DPP6: variants seen among roughly 807,000 people sequenced by gnomAD.
The protein encoded by DPP6 is dipeptidyl peptidase like 6, also known as A-type potassium channel modulatory protein DPP6.
In DPP6, 69 loss-of-function variants were observed where a neutral mutation model predicts 122.6. That is an observed-to-expected ratio of 0.56 (90% CI 0.46 to 0.69). The LOEUF (loss-of-function observed/expected upper bound fraction) is 0.69. Among genes scored for constraint, DPP6 ranks in the 30% least tolerant of loss-of-function variants. The pLI is 0.00. For synonymous variants in DPP6, 418 were observed against 433.1 expected (o/e 0.97, Z 0.43); for missense variants, 928 against 1,116.9 (o/e 0.83, Z 2.41).
the DPP6 span, among the ~76,000 whole-genome samples, chr7:153,860,685 T>C: frequency 4.6e-5 from 7 of 151,550 alleles, no homozygotes; most frequent in African/African-American, 9.7e-5. Flanking sequence ...TATTAAACTT[T>C]CCTTCACTTC....
intron 1 of DPP6, among the ~76,000 whole-genome samples, chr7:153,972,040 A>G (rs888994489): frequency 5.3e-5 from 8 of 150,562 alleles, no homozygotes; most frequent in African/African-American, 1.2e-4. Context: ...TCATTCGTGT[A>G]TTTTTCCTAT....
intron 5 of DPP6, among the ~76,000 whole-genome samples, chr7:154,572,743 G>A (rs1000202454): frequency 1.3e-5 from 2 of 149,448 alleles, no homozygotes; most frequent in Non-Finnish European, 3.0e-5. Context: ...GCAGTGGCAC[G>A]ATCTCAGCTC....
the DPP6 span, among the ~76,000 whole-genome samples, chr7:153,848,219 T>C: frequency 6.6e-6 from 1 of 151,982 alleles, no homozygotes; most frequent in Admixed American, 6.6e-5. Flanking sequence ...AACACACTTG[T>C]GGGTAATTAA....
intron 1 of DPP6, among the ~76,000 whole-genome samples, chr7:153,970,579 C>T (rs1795973016): frequency 6.6e-6 from 1 of 152,092 alleles, no homozygotes; most frequent in African/African-American, 2.4e-5. Flanking sequence ...CAGCCAAGGT[C>T]ATTAAGCTTT....
chr7:154,045,134 G>GA (rs1224799492), intron 1 of DPP6, among the ~76,000 whole-genome samples: 11 of 149,310 alleles, frequency 7.4e-5, no homozygotes, highest in African/African-American at 2.7e-4. Flanking sequence ...AACAGCATCT[G>GA]AAAATGTCCT....
At chr7:154,620,243 G>A (rs1321160583) in intron 5 of DPP6, among the ~76,000 whole-genome samples, 1 of 152,214 alleles carries the variant, frequency 6.6e-6, no homozygotes, top group African/African-American at 2.4e-5. Flanking sequence ...AATATGGAAA[G>A]ATTCTTTCTT....
At chr7:154,081,464 A>G (rs1804005997) in intron 1 of DPP6, among the ~76,000 whole-genome samples, 1 of 128,978 alleles carries the variant, frequency 7.8e-6, no homozygotes, top group Non-Finnish European at 1.7e-5. Context: ...CACTACCAGA[A>G]TGCTCCTAGC....
chr7:154,641,734 A>C (rs566607434), intron 6 of DPP6, among the ~76,000 whole-genome samples: 5 of 152,324 alleles, frequency 3.3e-5, no homozygotes, highest in African/African-American at 1.2e-4. Context: ...AGACATATGG[A>C]CTTTTTTCTA....
chr7:154,861,284 T>G (rs1803372669), intron 17 of DPP6, among the ~76,000 whole-genome samples: 2 of 152,254 alleles, frequency 1.3e-5, no homozygotes, highest in South Asian at 4.1e-4. Context: ...TACACATTTT[T>G]AAGTTGTCAC....
At position 154,197,989 on chromosome 7, in the gene DPP6, C is replaced by A. The variant is rs118174226; in HGVS notation, c.243+144926C>A. 2.2e-3 allele frequency among the ~76,000 whole-genome samples: 341 copies of A among 152,298 alleles called. 2 individuals carry two copies. Among genetic ancestry groups the A allele is most frequent in the Non-Finnish European group, 3.4e-3 (231 of 68,020 alleles). On this transcript the variant is annotated intron_variant, in intron 1 of 25. Transcript: ENST00000377770. ...TGCTGGGAATCACTCTCTTTGATGA[C>A]ATCATTGTCATCTGGGCAGGGAGCA...
At chr7:154,851,555 T>G (rs1039644431) in intron 16 of DPP6, among the ~76,000 whole-genome samples, 1 of 152,232 alleles carries the variant, frequency 6.6e-6, no homozygotes, top group Non-Finnish European at 1.5e-5. Context: ...TTTGACTCAA[T>G]AATTTAAACT....
At chr7:154,369,658 A>T (rs6958839) in intron 1 of DPP6, among the ~76,000 whole-genome samples, 2 of 151,974 alleles carry the variant, frequency 1.3e-5, no homozygotes, top group African/African-American at 2.4e-5. Context: ...GAGCCACCAC[A>T]CCCAGCCTCA....
At chr7:154,542,269 A>G (rs1270634363) in intron 4 of DPP6, among the ~76,000 whole-genome samples, 3 of 152,218 alleles carry the variant, frequency 2.0e-5, no homozygotes, top group Non-Finnish European at 4.4e-5. Flanking sequence ...CATCTTTGGT[A>G]GAATTACTCC....
chr7:154,396,111 T>C (rs1815063269), intron 1 of DPP6, among the ~76,000 whole-genome samples: 1 of 152,182 alleles, frequency 6.6e-6, no homozygotes, highest in Non-Finnish European at 1.5e-5. Context: ...AACTCTCCAG[T>C]CACTCAAATA....
the DPP6 span, among the ~76,000 whole-genome samples, chr7:153,869,159 C>T: frequency 6.6e-6 from 1 of 152,070 alleles, no homozygotes; most frequent in African/African-American, 2.4e-5. Flanking sequence ...CTGTAGATGT[C>T]TATTAGGTCC....
chr7:153,902,327 T>C (rs569653487), intron 1 of DPP6, among the ~76,000 whole-genome samples: 1 of 152,334 alleles, frequency 6.6e-6, no homozygotes, highest in East Asian at 1.9e-4. Flanking sequence ...GAAAAGCCTC[T>C]CATATCTTCA....
At chr7:153,819,664 A>G in the DPP6 span, among the ~76,000 whole-genome samples, 1 of 152,250 alleles carries the variant, frequency 6.6e-6, no homozygotes, top group Non-Finnish European at 1.5e-5. Flanking sequence ...GTAATAATGA[A>G]TAAATGATTA....
chr7:154,326,306 T>G (rs1808439988), intron 1 of DPP6, among the ~76,000 whole-genome samples: 1 of 152,108 alleles, frequency 6.6e-6, no homozygotes, highest in African/African-American at 2.4e-5. Context: ...GGTCCCTGTC[T>G]AGAAACATGA....
rs199515495 is a variant in DPP6 at position 154,880,962 on chromosome 7, G to A, written c.2133+20G>A. ...GGGAAGGTGAGTCTGCGCCACCCTGGTCTGAAAACCCCTCAGTTCCAGTGT... is the reference window on the plus strand; with the variant it reads ...GGGAAGGTGAGTCTGCGCCACCCTGATCTGAAAACCCCTCAGTTCCAGTGT... On this transcript the variant is annotated intron_variant, in intron 21 of 25. Coordinates refer to ENST00000377770, the MANE Select transcript of DPP6 (RefSeq NM_130797.4). The A allele has an allele frequency of 6.6e-4, 1,071 of 1,613,506 alleles. 2 individuals carry two copies. Among genetic ancestry groups the A allele is most frequent in the Non-Finnish European group, 8.7e-4 (1,028 of 1,179,564 alleles).
Sources: allele counts gnomAD v4.1 joint callset (sites outside exome capture counted in the v4.1 genomes callset), GRCh38; gene constraint gnomAD v4.1.1; transcripts MANE v1.5; gene names NCBI Gene and HGNC (gene_info 2026-07-23, HGNC 2026-07-21).